Variants in PRLR observed in about 807,000 individuals in gnomAD.
PRLR encodes hPRL receptor.
In PRLR, 13 loss-of-function variants were observed where a neutral mutation model predicts 40.2. The observed-to-expected ratio is 0.32, with a 90% CI of 0.21 to 0.51. The LOEUF (loss-of-function observed/expected upper bound fraction) is 0.51, where lower values mean the gene tolerates loss of function less well. Ranked by LOEUF, PRLR falls within the 20% of genes least tolerant of loss-of-function variation. The probability of loss-of-function intolerance (pLI) is 0.97; values close to 1 mark genes in which losing one functional copy is unlikely to be tolerated. For missense variants in PRLR, 656 were observed against 747.3 expected, an observed-to-expected ratio of 0.88 and a Z score of 1.42; for synonymous variants, 269 against 278.7, an observed-to-expected ratio of 0.97 and a Z score of 0.35.
chr5:35,127,484 G>A (rs944424004), intron 1 of PRLR, among the ~76,000 whole-genome samples: 2 of 152,030 alleles, frequency 1.3e-5, no homozygotes, highest in Non-Finnish European at 2.9e-5. Flanking sequence ...TACTAAATAC[G>A]CTTAAATCTA....
intron 1 of PRLR, among the ~76,000 whole-genome samples, chr5:35,186,990 G>T (rs1272274541): frequency 6.6e-6 from 1 of 152,108 alleles, no homozygotes; most frequent in East Asian, 1.9e-4. Context: ...GGAGGCAGCT[G>T]GTGTGTACCA....
intron 1 of PRLR, among the ~76,000 whole-genome samples, chr5:35,199,069 T>G (rs2111599675): frequency 6.6e-6 from 1 of 152,320 alleles, no homozygotes; most frequent in Admixed American, 6.5e-5. Flanking sequence ...CTTGCAGGGC[T>G]TCTCCTCCGA....
intron 1 of PRLR, among the ~76,000 whole-genome samples, chr5:35,221,726 C>T (rs569255823): frequency 5.9e-5 from 9 of 152,288 alleles, no homozygotes; most frequent in South Asian, 2.1e-4. Flanking sequence ...GTGATTCTCA[C>T]GTGCAATCAG....
chr5:35,188,264 G>A (rs1054543816), intron 1 of PRLR, among the ~76,000 whole-genome samples: 9 of 152,130 alleles, frequency 5.9e-5, no homozygotes, highest in African/African-American at 2.2e-4. Context: ...CATCTGATTT[G>A]TTTAATCATC....
chr5:35,068,975 C>G, intron 7 of PRLR, 97 bp from the exon 8 acceptor site: 1 of 836,746 alleles, frequency 1.2e-6, no homozygotes, highest in Non-Finnish European at 1.9e-6. Flanking sequence ...GAGTGTTTTC[C>G]TCCATTCATA....
At chr5:35,131,478 A>G (rs6881165) in intron 1 of PRLR, among the ~76,000 whole-genome samples, 11,325 of 152,172 alleles carry the variant, frequency 0.074, 1,432 homozygotes, top group African/African-American at 0.26. Flanking sequence ...AAGAAGAACC[A>G]CAATCGCTGG....
chr5:35,123,237 C>A (rs1356808324), intron 1 of PRLR, among the ~76,000 whole-genome samples: 1 of 152,154 alleles, frequency 6.6e-6, no homozygotes, highest in African/African-American at 2.4e-5. Context: ...CATAATCTTA[C>A]TTTTAAAAAT....
At chr5:35,107,038 A>G (rs1233205474) in intron 2 of PRLR, among the ~76,000 whole-genome samples, 2 of 152,240 alleles carry the variant, frequency 1.3e-5, no homozygotes, top group Non-Finnish European at 2.9e-5. Flanking sequence ...CTCAGACCAC[A>G]GTGCAATCAA....
At chr5:35,156,356 C>G (rs1196804455) in intron 1 of PRLR, among the ~76,000 whole-genome samples, 1 of 152,034 alleles carries the variant, frequency 6.6e-6, no homozygotes, top group African/African-American at 2.4e-5. Context: ...GTCTCTCCAC[C>G]TCTCTCCTTG....
At chr5:35,192,928 GAT>G (rs1775644598) in intron 1 of PRLR, among the ~76,000 whole-genome samples, 1 of 152,218 alleles carries the variant, frequency 6.6e-6, no homozygotes, top group Admixed American at 6.5e-5. Flanking sequence ...CCCCAAGACT[GAT>G]GCTGTGCTGA....
chr5:35,121,965 G>A (rs1268445456), intron 1 of PRLR, among the ~76,000 whole-genome samples: 1 of 152,154 alleles, frequency 6.6e-6, no homozygotes, highest in Admixed American at 6.6e-5. Context: ...AACAGGTCAA[G>A]TCCATGCTCT....
intron 1 of PRLR, among the ~76,000 whole-genome samples, chr5:35,208,104 G>T (rs943408939): frequency 6.6e-6 from 1 of 151,572 alleles, no homozygotes; most frequent in Non-Finnish European, 1.5e-5. Context: ...TCGGACTGCC[G>T]CAGCCTCCCC....
chr5:35,220,152 A>T (rs10073227), intron 1 of PRLR, among the ~76,000 whole-genome samples: 137,828 of 152,194 alleles, frequency 0.91, 62,936 homozygotes, highest in African/African-American at 0.96. Flanking sequence ...GCCAACCATG[A>T]TCCTACCCTG....
intron 1 of PRLR, among the ~76,000 whole-genome samples, chr5:35,134,194 C>G (rs1773778841): frequency 6.6e-6 from 1 of 152,066 alleles, no homozygotes; most frequent in Non-Finnish European, 1.5e-5. Context: ...AAAAAATAAA[C>G]AACAAACAAC....
At chr5:35,076,155 T>A (rs1410728017) in intron 5 of PRLR, among the ~76,000 whole-genome samples, 2 of 152,182 alleles carry the variant, frequency 1.3e-5, no homozygotes, top group African/African-American at 2.4e-5. Context: ...GGAATGCAGT[T>A]CCTCGCCAGC....
chr5:35,171,438 T>C (rs887073322), intron 1 of PRLR, among the ~76,000 whole-genome samples: 1 of 152,140 alleles, frequency 6.6e-6, no homozygotes, highest in African/African-American at 2.4e-5. Flanking sequence ...TTATTTGCAG[T>C]TGAGGACCAT....
intron 1 of PRLR, among the ~76,000 whole-genome samples, chr5:35,186,600 C>G (rs1215854902): frequency 6.6e-6 from 1 of 152,106 alleles, no homozygotes; most frequent in African/African-American, 2.4e-5. Flanking sequence ...CTCAAGGCAC[C>G]TGTGTTCTGG....
intron 2 of PRLR, among the ~76,000 whole-genome samples, chr5:35,100,300 T>G (rs767726881): frequency 2.4e-4 from 36 of 152,102 alleles, no homozygotes; most frequent in Non-Finnish European, 4.6e-4. Context: ...TTGGTGTAGC[T>G]TAAGTGTACA....
At chr5:35,224,051 A>T (rs2111683773) in intron 1 of PRLR, among the ~76,000 whole-genome samples, 1 of 152,324 alleles carries the variant, frequency 6.6e-6, no homozygotes, top group African/African-American at 2.4e-5. Flanking sequence ...CAAATACAAG[A>T]GGCCTGCAGG....
Sources: gnomAD v4.1 joint callset for allele counts (sites outside exome capture counted in the v4.1 genomes callset) on GRCh38, gnomAD v4.1.1 for gene constraint, MANE v1.5 for transcripts, NCBI Gene and HGNC (gene_info 2026-07-23, HGNC 2026-07-21) for gene names.